Variants in ELAC2 observed in about 807,000 individuals in gnomAD.
The protein encoded by ELAC2 is elaC ribonuclease Z 2.
In ELAC2, 92 loss-of-function variants were observed where a neutral mutation model predicts 105.2. That is an observed-to-expected ratio of 0.87 (90% confidence interval 0.74 to 1.04). ELAC2 has a LOEUF of 1.04. Among genes scored for constraint, ELAC2 ranks in the 50% least tolerant of loss-of-function variants. The pLI, the probability that ELAC2 is intolerant of heterozygous loss-of-function variation, is 0.00. For synonymous variants in ELAC2, 468 were observed against 409.1 expected (o/e 1.14, Z -1.74); for missense variants, 1,099 against 1,071.7 (o/e 1.03, Z -0.36).
intron 4 of ELAC2, 119 bp from the exon 5 acceptor site, chr17:13,014,615 T>TGTAATAAA: frequency 1.3e-6 from 1 of 784,466 alleles, no homozygotes; most frequent in Non-Finnish European, 2.3e-6. Context: ...AGTAAATATT[T>TGTAATAAA]TGAACATCAT....
intron 5 of ELAC2, among the ~76,000 whole-genome samples, chr17:13,013,780 G>A (rs1050767711): frequency 2.6e-5 from 4 of 152,118 alleles, no homozygotes; most frequent in Non-Finnish European, 4.4e-5. Flanking sequence ...CTGGAGCTGC[G>A]TTTCAATGTA....
In ELAC2 at chr17:12,992,811, C is replaced by T; in HGVS notation, c.*7G>A. 1 of 1,611,538 alleles carries T rather than the reference C, an allele frequency of 6.2e-7. No individual in the cohort carries two copies. Reference sequence around the variant, plus strand: ...ACAGCCTTCTGAGTTCAGGGTCTCCCAGATCTTCACTGGGCTCTGACCTTC... The same window carrying T: ...ACAGCCTTCTGAGTTCAGGGTCTCCTAGATCTTCACTGGGCTCTGACCTTC... On this transcript the variant is annotated 3_prime_UTR_variant, in exon 24 of 24. Transcript: ENST00000338034.
intron 15 of ELAC2, among the ~76,000 whole-genome samples, chr17:12,998,877 T>C (rs949517160): frequency 1.3e-5 from 2 of 152,216 alleles, no homozygotes; most frequent in African/African-American, 4.8e-5. Flanking sequence ...CACGTTATGA[T>C]GCAGCATGGA....
intron 1 of ELAC2, 99 bp from the exon 2 acceptor site, chr17:13,017,220 A>G: frequency 2.4e-6 from 3 of 1,272,354 alleles, no homozygotes; most frequent in Non-Finnish European, 3.4e-6. Context: ...AAAAAAAAAA[A>G]AGAAAAAAAA....
intron 16 of ELAC2, 152 bp from the exon 17 acceptor site, chr17:12,996,837 A>G: frequency 9.3e-7 from 1 of 1,078,942 alleles, no homozygotes; most frequent in South Asian, 1.4e-5. Flanking sequence ...AAGCCAATTA[A>G]TTTAACCATA....
At chr17:13,013,147 C>T in intron 6 of ELAC2, 60 bp downstream of exon 6, 1 of 1,582,266 alleles carries the variant, frequency 6.3e-7, no homozygotes, top group Non-Finnish European at 8.7e-7. Flanking sequence ...TATTTTCATC[C>T]ATGTTTTCTT....
In ELAC2 at chr17:13,000,201, C is replaced by T. The variant is rs775449483; in HGVS notation, c.1378G>A (p.Val460Met). ...TGCGCACTCCTCCTGTACTCCTGCA[C>T]GCTCTGCTGGAAGTTGGGAAGCTGC... The part of the protein sequence containing the change: ...ALQLPNFQQS[V>M]QEYRRSAQDG... Residue 460 changes from valine (V) to methionine (M), a missense_variant, in exon 15 of 24, where the codon GTG (valine) becomes ATG (methionine). By Grantham distance (21) the Val-to-Met change is conservative. Transcript: ENST00000338034. 3.0e-5 allele frequency: 48 copies of T among 1,613,956 alleles called. No individual in the cohort carries two copies. In the East Asian group the frequency reaches 5.1e-4, roughly 17 times the overall value.
chr17:12,997,740 G>C (rs1172276150), intron 16 of ELAC2, among the ~76,000 whole-genome samples: 1 of 152,152 alleles, frequency 6.6e-6, no homozygotes, highest in Non-Finnish European at 1.5e-5. Context: ...TAAGATGGCA[G>C]AGCAAAATTT....
intron 4 of ELAC2, among the ~76,000 whole-genome samples, chr17:13,015,382 C>T (rs1028087047): frequency 6.6e-6 from 1 of 152,162 alleles, no homozygotes; most frequent in Admixed American, 6.5e-5. Context: ...GTGTAATAAG[C>T]TGGACTGAAA....
chr17:13,003,326 G>A (rs1279957181), intron 12 of ELAC2, 153 bp downstream of exon 12: 1 of 758,640 alleles, frequency 1.3e-6, no homozygotes, highest in Non-Finnish European at 2.3e-6. Flanking sequence ...ACAGATCTGG[G>A]AAGCCTAGAA....
At position 13,005,119 on chromosome 17, in the gene ELAC2, C is replaced by T. The variant is rs763312117; in HGVS notation, c.871-18G>A. The T allele has an allele frequency of 1.3e-6, 2 of 1,575,304 alleles. No individual in the cohort carries two copies. The highest frequency in any genetic ancestry group is 1.3e-5 in the African/African-American group (1 of 74,150). On this transcript the variant is annotated intron_variant, in intron 10 of 23. Transcript: ENST00000338034. Reference sequence around the variant, plus strand: ...GCCAAAATCTGCAAAACCAAATAAGCCCGCCCACTGGGGGTCACAGCTCAG... The same window carrying T: ...GCCAAAATCTGCAAAACCAAATAAGTCCGCCCACTGGGGGTCACAGCTCAG...
At chr17:12,997,243 G>A (rs2040522075) in intron 16 of ELAC2, among the ~76,000 whole-genome samples, 1 of 152,172 alleles carries the variant, frequency 6.6e-6, no homozygotes. Flanking sequence ...TTGGTTTTAG[G>A]CAGGGCTCTG....
At position 13,017,073 on chromosome 17, in the gene ELAC2, G is replaced by T. The variant is rs769819646; in HGVS notation, c.294C>A (p.His98Gln). ...GEGVQRLMQE[H>Q]KLKVARLDNI... ...CCGAAAGCAAGAGACTGACTCACTT[G>T]TGCTCCTGCATGAGTCTCTGAACGC... is the stretch of plus-strand genomic sequence containing the variant. The change falls in exon 2 of 24, where the codon CAC becomes CAA. Residue 98 changes from histidine to glutamine, a missense_variant and splice_region_variant. By Grantham distance (24) the His-to-Gln change is conservative (BLOSUM62 0). Coordinates refer to ENST00000338034, the MANE Select transcript of ELAC2 (RefSeq NM_018127.7). 6.2e-7 allele frequency: 1 copy of T among 1,614,080 alleles called. No individual in the cohort carries two copies. The highest frequency in any genetic ancestry group is 8.5e-7 in the Non-Finnish European group (1 of 1,179,976).
At chr17:13,015,685 C>T in intron 4 of ELAC2, 83 bp downstream of exon 4, 1 of 1,212,474 alleles carries the variant, frequency 8.2e-7, no homozygotes, top group Admixed American at 1.7e-5. Flanking sequence ...GGGCAGAAGA[C>T]TGATTTGCAA....
rs750835289 is a variant in ELAC2, at chr17:12,998,495, C to T, written c.1437G>A (p.Gln479=). The T allele has an allele frequency of 2.5e-6, 4 of 1,614,138 alleles. No individual in the cohort carries two copies. The highest frequency in any genetic ancestry group is 2.5e-6 in the Non-Finnish European group (3 of 1,179,978). The change falls in exon 16 of 24, where the codon CAG becomes CAA. Residue 479 remains glutamine (Q), a synonymous_variant. Coordinates refer to ENST00000338034, the MANE Select transcript of ELAC2 (RefSeq NM_018127.7). ...DGPAPAEKRS[Q]YPEIIFLGTG... is the part of the protein sequence containing the mutation. ...TTCCAAGGAAGATGATTTCTGGGTA[C>T]TGACTTCTTTTCTCTGTGAAAAAAT...
chr17:12,998,619 C>A (rs556313682), intron 15 of ELAC2, 111 bp from the exon 16 acceptor site: 33 of 1,040,718 alleles, frequency 3.2e-5, no homozygotes, highest in Middle Eastern at 2.4e-4. Context: ...CCCCAGACCT[C>A]ATGTGGAAAC....
chr17:12,993,098 G>T, intron 23 of ELAC2, 53 bp from the exon 24 acceptor site: 1 of 1,564,838 alleles, frequency 6.4e-7, no homozygotes, highest in South Asian at 1.1e-5. Flanking sequence ...AGGGGTGGGG[G>T]ACAGGAGCTG....
At position 12,992,148 on chromosome 17, in the gene ELAC2, T is replaced by C. The variant is rs972407671; in HGVS notation, c.*670A>G. Among the ~76,000 whole-genome samples, 5 of 133,296 alleles carry C rather than the reference T, an allele frequency of 3.8e-5. No individual in the cohort carries two copies. The highest frequency in any genetic ancestry group is 9.0e-5 in the African/African-American group (3 of 33,272). The allele number at this position is 133,296 out of a possible 152,430, so 87.4% of individuals were successfully genotyped here. A position where few individuals can be genotyped will look rare whatever the true frequency, so the allele number is the denominator to read the frequency against. The stretch of plus-strand genomic sequence containing the variant: ...TTGATTTGATTGATTGATTGATTGA[T>C]TGATAGAGAAAGCACGCCCTGCTGT... On this transcript the variant is annotated 3_prime_UTR_variant, in exon 24 of 24. Transcript: ENST00000338034.
At chr17:12,993,623 C>CA (rs1384868471) in intron 23 of ELAC2, 64 bp downstream of exon 23, 10 of 1,610,040 alleles carry the variant, frequency 6.2e-6, no homozygotes, top group Non-Finnish European at 8.5e-6. Context: ...CCGTCCTACT[C>CA]AGTGTGTAGA....
Sources: allele counts gnomAD v4.1 joint callset (sites outside exome capture counted in the v4.1 genomes callset), GRCh38; gene constraint gnomAD v4.1.1; transcripts MANE v1.5; gene names NCBI Gene and HGNC (gene_info 2026-07-23, HGNC 2026-07-21).